Variants in FLNC observed in about 807,000 individuals in gnomAD.
FLNC encodes the protein filamin C, also known as filamin-C.
A neutral mutation model predicts 254.3 loss-of-function variants in FLNC; 91 were observed. The observed-to-expected ratio is 0.36, with a 90% CI of 0.30 to 0.43. The LOEUF (loss-of-function observed/expected upper bound fraction) is 0.43, where lower values mean the gene tolerates loss of function less well. FLNC is among the 20% of genes least tolerant of loss of function. The pLI is 1.00. For synonymous variants in FLNC, 1,430 were observed against 1,577.2 expected, an observed-to-expected ratio of 0.91 and a Z score of 2.21; for missense variants, 2,853 against 3,802.6, an observed-to-expected ratio of 0.75 and a Z score of 6.57.
rs1215876576 is a variant in FLNC, at chr7:128,837,283, G to A, written c.699+26G>A. 5 of 1,280,404 alleles carry A rather than the reference G, an allele frequency of 3.9e-6. No individual in the cohort carries two copies. In the South Asian group the frequency reaches 6.2e-5, roughly 16 times the overall value. 79.3% of individuals were successfully genotyped at this position (1,280,404 alleles called of 1,614,324 possible). A position where few individuals can be genotyped will look rare whatever the true frequency, so the allele number is the denominator to read the frequency against. ...GTACATGCGCAGATGGGGCAGGGGG[G>A]AAAGGGGGCAGGGGCAGAGGTTGGG... On this transcript the variant is annotated intron_variant, in intron 3 of 47. Coordinates refer to ENST00000325888, the MANE Select transcript of FLNC (RefSeq NM_001458.5).
Position 128,853,703 on chromosome 7 carries a change from T to A in FLNC, c.6362-12T>A. 1 of 1,613,854 alleles carries A rather than the reference T, an allele frequency of 6.2e-7. No individual in the cohort carries two copies. The highest frequency in any genetic ancestry group is 8.5e-7 in the Non-Finnish European group (1 of 1,180,026). On this transcript the variant is annotated splice_polypyrimidine_tract_variant and intron_variant, in intron 38 of 47. Transcript: ENST00000325888. ...TCTGAGGTTCCTGACCCACCCTTTG[T>A]CCCCACTTCAGGAAGCCCCTTCACT...
rs1368032008 is a variant in FLNC at position 128,841,376 on chromosome 7, C to T, written c.2007+13C>T. On this transcript the variant is annotated intron_variant, in intron 12 of 47. Coordinates refer to ENST00000325888, the MANE Select transcript of FLNC (RefSeq NM_001458.5). The surrounding 1 kb of genome is among the most constrained non-coding windows in gnomAD (Gnocchi z 4.3). The stretch of plus-strand genomic sequence containing the variant: ...CTTCCCAGATAAGGTGTGGTCCCAG[C>T]TCACACACACCTGCCCCGGGGGTGG... 1.2e-6 allele frequency: 2 copies of T among 1,613,908 alleles called. No individual in the cohort carries two copies. Among genetic ancestry groups the T allele is most frequent in the Non-Finnish European group, 8.5e-7 (1 of 1,179,868 alleles).
Position 128,858,190 on chromosome 7 carries a change from T to C in FLNC, c.7963T>C (p.Ser2655Pro). 6.6e-7 allele frequency: 1 copy of C among 1,520,814 alleles called. No homozygotes were observed. The highest frequency in any genetic ancestry group is 9.1e-7 in the Non-Finnish European group (1 of 1,096,066). 94.2% of individuals were successfully genotyped at this position (1,520,814 alleles called of 1,614,324 possible). ...CCAGGCCTTCGTGGGCCAGAAGAAC[T>C]CCTTCACCGTGGACTGCAGCAAAGC... ...LSQAFVGQKN[S>P]FTVDCSKAGT... is the part of the protein sequence containing the mutation. The change falls in exon 47 of 48, where the codon TCC becomes CCC. Residue 2655 changes from serine to proline, a missense_variant. Physicochemically the swap from Ser to Pro is moderately conservative, Grantham distance 74 (BLOSUM62 -1). Around this residue, in one of 10 missense-constraint regions of FLNC, gnomAD observed 197 missense variants for 351.5 expected, o/e 0.56. Transcript: ENST00000325888. This position sits in a 1 kb window ranked among gnomAD's most constrained non-coding sequence, Gnocchi z 6.7.
chr7:128,841,571 G>A lies in FLNC; in HGVS notation c.2121+4G>A, dbSNP rs372098008. On this transcript the variant is annotated splice_donor_region_variant and intron_variant, in intron 13 of 47. Transcript: ENST00000325888. This position sits in a 1 kb window ranked among gnomAD's most constrained non-coding sequence, Gnocchi z 4.3. ...AGACCTGAAGCTCTATGCCCAGGTA[G>A]GTCATTGTCCAGTCTCTGCTGCCCT... 28 of 1,607,254 alleles carry A rather than the reference G, an allele frequency of 1.7e-5. No homozygotes were observed. Among genetic ancestry groups the A allele is most frequent in the Non-Finnish European group, 2.3e-5 (27 of 1,173,832 alleles).
Position 128,830,739 on chromosome 7 carries a change from G to A in FLNC, c.102G>A (p.Trp34Ter), listed in dbSNP as rs2128932126. 3.1e-6 allele frequency: 5 copies of A among 1,613,178 alleles called. No individual in the cohort carries two copies. Among genetic ancestry groups the A allele is most frequent in the Non-Finnish European group, 4.2e-6 (5 of 1,179,966 alleles). ...AGGACCTGGCGGAGGACGCGCCGTG[G>A]AAGAAGATCCAGCAGAACACATTCA... ...TEKDLAEDAP[W>*]KKIQQNTFTR... is the part of the protein sequence containing the mutation. Residue 34 changes from tryptophan (W) to a stop codon, truncating the protein, a stop_gained, in exon 1 of 48, where the codon TGG becomes TGA. Transcript: ENST00000325888. LOFTEE classifies it high-confidence loss of function.
At position 128,838,300 on chromosome 7, in the gene FLNC, C is replaced by A. The variant is rs200206944; in HGVS notation, c.1081C>A (p.Arg361Ser). ...GCTCTTTGCTGGCCAGAACATTGAACGCAGTCCCTTTGAGGTGAACGTGGG... is the reference window on the plus strand; with the variant it reads ...GCTCTTTGCTGGCCAGAACATTGAAAGCAGTCCCTTTGAGGTGAACGTGGG... ...TVLFAGQNIE[R>S]SPFEVNVGMA... Residue 361 changes from arginine (R) to serine (S), a missense_variant, in exon 7 of 48, where the codon CGC (arginine) becomes AGC (serine). Coordinates refer to ENST00000325888, the MANE Select transcript of FLNC (RefSeq NM_001458.5). 2 of 1,613,940 alleles carry A rather than the reference C, an allele frequency of 1.2e-6. No individual in the cohort carries two copies. The highest frequency in any genetic ancestry group is 2.7e-5 in the African/African-American group (2 of 74,942).
At chr7:128,846,259 G>T (rs1228927752) in intron 22 of FLNC, 42 bp from the exon 23 acceptor site, 1 of 1,612,958 alleles carries the variant, frequency 6.2e-7, no homozygotes, top group Admixed American at 1.7e-5. Context: ...GGGTGGTGGG[G>T]GCGCACACTC....
rs759262897 is a variant in FLNC, at chr7:128,851,591, G to A, written c.5805G>A (p.Lys1935=). Residue 1935 remains lysine (K), a synonymous_variant, in exon 35 of 48, where the codon AAG becomes AAA. Transcript: ENST00000325888. ...DYSIIVRFDD[K]HIPGSPFTAK... ...GCATCATCGTGCGCTTCGATGACAA[G>A]CACATCCCGGGGAGCCCCTTCACAG... 2.1e-5 allele frequency: 34 copies of A among 1,613,826 alleles called. No homozygotes were observed. Among genetic ancestry groups the A allele is most frequent in the Non-Finnish European group, 2.9e-5 (34 of 1,180,038 alleles).
chr7:128,845,022 C>T lies in FLNC; in HGVS notation c.3557C>T (p.Ala1186Val), dbSNP rs1114167361. The T allele has an allele frequency of 6.2e-7, 1 of 1,613,774 alleles. No individual in the cohort carries two copies. Among genetic ancestry groups the T allele is most frequent in the Non-Finnish European group, 8.5e-7 (1 of 1,180,022 alleles). The change falls in exon 21 of 48, where the codon GCG becomes GTG. Residue 1186 changes from alanine (A) to valine (V), a missense_variant. Ala to Val is a moderately conservative substitution (Grantham distance 64). Coordinates refer to ENST00000325888, the MANE Select transcript of FLNC (RefSeq NM_001458.5). ...GTGGACTGCTCAGAGGCAGGCGAGG[C>T]GGAGCTGACCATTGAGATCCTGTCG... is the stretch of plus-strand genomic sequence containing the variant. ...FTVDCSEAGE[A>V]ELTIEILSDA...
Position 128,842,663 on chromosome 7 carries a change from C to T in FLNC, c.2354C>T (p.Thr785Ile), listed in dbSNP as rs1416623090. ...EKTGLKANEP[T>I]YFTVDCSEAG... ...ACAGGCCTCAAGGCCAATGAGCCCA[C>T]CTACTTCACGGTGGACTGCAGCGAG... is the stretch of plus-strand genomic sequence containing the variant. The change falls in exon 15 of 48, where the codon ACC becomes ATC. Residue 785 changes from threonine (T) to isoleucine (I), a missense_variant. Coordinates refer to ENST00000325888, the MANE Select transcript of FLNC (RefSeq NM_001458.5). The surrounding 1 kb of genome is among the most constrained non-coding windows in gnomAD (Gnocchi z 5.4). The T allele has an allele frequency of 6.4e-7, 1 of 1,554,408 alleles. No homozygotes were observed.
Position 128,842,115 on chromosome 7 carries a change from GGGGGCGGGAGTGCCAGTGTT to G in FLNC, c.2122-111_2122-92del, listed in dbSNP as rs1005737202. 2.7e-6 allele frequency: 3 copies of G among 1,096,756 alleles called. No homozygotes were observed. In the African/African-American group the frequency reaches 4.7e-5, roughly 17 times the overall value. 67.9% of individuals were successfully genotyped at this position (1,096,756 alleles called of 1,614,324 possible). ...CTCTGGTGGCCTCAGTGGCTGGTGT[GGGGGCGGGAGTGCCAGTGTT>G]GGGGGTGGGAAAGGAGGCGCTGGGT... On this transcript the variant is annotated intron_variant, in intron 13 of 47. Coordinates refer to ENST00000325888, the MANE Select transcript of FLNC (RefSeq NM_001458.5). The surrounding 1 kb of genome is among the most constrained non-coding windows in gnomAD (Gnocchi z 5.4).
intron 8 of FLNC, 111 bp from the exon 9 acceptor site, chr7:128,839,912 T>A: frequency 3.6e-6 from 5 of 1,390,600 alleles, no homozygotes; most frequent in Non-Finnish European, 5.0e-6. Flanking sequence ...AGCAGGGCCG[T>A]GGGCCACTGC....
intron 37 of FLNC, 94 bp downstream of exon 37, chr7:128,853,125 C>T (rs1178388159): frequency 1.6e-6 from 2 of 1,279,710 alleles, no homozygotes; most frequent in African/African-American, 2.9e-5. Context: ...CGCACTCTCT[C>T]CTCCCTGAAA....
intron 16 of FLNC, 105 bp from the exon 17 acceptor site, chr7:128,843,124 C>T: frequency 7.3e-7 from 1 of 1,373,632 alleles, no homozygotes; most frequent in Admixed American, 2.0e-5. Context: ...TTGGAGGCTG[C>T]CCCTGTCCAT....
At position 128,837,420 on chromosome 7, in the gene FLNC, T is replaced by C. The variant is rs1422522736; in HGVS notation, c.722T>C (p.Val241Ala). ...CAGGTCATTGCCCCTGAGGAGATTG[T>C]GGACCCCAACGTGGATGAGCATTCT... ...VPQVIAPEEI[V>A]DPNVDEHSVM... The change falls in exon 4 of 48, where the codon GTG becomes GCG. Residue 241 changes from valine to alanine, a missense_variant. By Grantham distance (64) the Val-to-Ala change is moderately conservative. Transcript: ENST00000325888. 1 of 1,614,140 alleles carries C rather than the reference T, an allele frequency of 6.2e-7. No individual in the cohort carries two copies.
At position 128,838,044 on chromosome 7, in the gene FLNC, A is replaced by C. The variant is rs745495679; in HGVS notation, c.1027A>C (p.Lys343Gln). The C allele has an allele frequency of 6.2e-7, 1 of 1,613,802 alleles. No homozygotes were observed. Among genetic ancestry groups the C allele is most frequent in the Non-Finnish European group, 8.5e-7 (1 of 1,179,892 alleles). ...CACCTATGCTGTCTCCTATGTGCCC[A>C]AGGTCGCTGGGTTACACAAGGTATC... ...DRTYAVSYVP[K>Q]VAGLHKVTVL... is the part of the protein sequence containing the mutation. The change falls in exon 6 of 48, where the codon AAG (lysine) becomes CAG (glutamine). Residue 343 changes from lysine to glutamine, a missense_variant. Lys to Gln is a moderately conservative substitution (Grantham distance 53, BLOSUM62 1). Transcript: ENST00000325888.
rs754582909 is a variant in FLNC at position 128,843,780 on chromosome 7, C to T, written c.2812-16C>T. The stretch of plus-strand genomic sequence containing the variant: ...TTGCCTTATATCCAGTTCTGACCTA[C>T]CATTGTACCCAACAGGGCAACATGG... On this transcript the variant is annotated splice_polypyrimidine_tract_variant and intron_variant, in intron 18 of 47. Coordinates refer to ENST00000325888, the MANE Select transcript of FLNC (RefSeq NM_001458.5). 30 of 1,608,768 alleles carry T rather than the reference C, an allele frequency of 1.9e-5. No homozygotes were observed. The highest frequency in any genetic ancestry group is 2.5e-5 in the Non-Finnish European group (29 of 1,175,164).
intron 1 of FLNC, among the ~76,000 whole-genome samples, chr7:128,832,321 G>A (rs1036323624): frequency 2.6e-5 from 4 of 152,226 alleles, no homozygotes; most frequent in Non-Finnish European, 5.9e-5. Flanking sequence ...AGGGCAGGGG[G>A]TGGGGGAGGG....
rs571913300 is a variant in FLNC at position 128,841,766 on chromosome 7, G to C, written c.2121+199G>C. Among the ~76,000 whole-genome samples the C allele has an allele frequency of 6.6e-6, 1 of 152,346 alleles. No homozygotes were observed. Among genetic ancestry groups the C allele is most frequent in the Non-Finnish European group, 1.5e-5 (1 of 68,030 alleles). On this transcript the variant is annotated intron_variant, in intron 13 of 47. Coordinates refer to ENST00000325888, the MANE Select transcript of FLNC (RefSeq NM_001458.5). The surrounding 1 kb of genome is among the most constrained non-coding windows in gnomAD (Gnocchi z 4.3). ...TTCTTAACGATGATAACCTAAAAACGTATTTTACCAAAGAGTCATTTTTGT... is the reference window on the plus strand; with the variant it reads ...TTCTTAACGATGATAACCTAAAAACCTATTTTACCAAAGAGTCATTTTTGT...
Sources: gnomAD v4.1 joint callset for allele counts (sites outside exome capture counted in the v4.1 genomes callset) on GRCh38, gnomAD v4.1.1 for gene constraint, gnomAD v4.1.1 regional missense constraint, Gnocchi (gnomAD v3.1) non-coding constraint, MANE v1.5 for transcripts, NCBI Gene and HGNC (gene_info 2026-07-23, HGNC 2026-07-21) for gene names.